Variants in NPEPL1 observed in about 807,000 individuals in gnomAD.
NPEPL1 encodes the protein aminopeptidase like 1, also known as probable aminopeptidase NPEPL1.
In NPEPL1, 45 loss-of-function variants were observed where a neutral mutation model predicts 52.4. That is an observed-to-expected ratio of 0.86 (90% CI 0.68 to 1.10). NPEPL1 has a LOEUF of 1.10. Ranked by LOEUF, NPEPL1 falls within the 50% of genes least tolerant of loss-of-function variation. The pLI, the probability that NPEPL1 is intolerant of heterozygous loss-of-function variation, is 0.00. For missense variants in NPEPL1, 696 were observed against 710.9 expected, an observed-to-expected ratio of 0.98 and a Z score of 0.24; for synonymous variants, 360 against 314.7, an observed-to-expected ratio of 1.14 and a Z score of -1.52.
At chr20:58,714,441 C>T (rs1038548393) in intron 10 of NPEPL1, 119 bp from the exon 11 acceptor site, 7 of 717,742 alleles carry the variant, frequency 9.8e-6, no homozygotes, top group Non-Finnish European at 1.3e-5. Context: ...CCTCCCCACA[C>T]GCTCCCTCCC....
chr20:58,714,665 C>T lies in NPEPL1; in HGVS notation c.1408C>T (p.His470Tyr), dbSNP rs777034809. 5 of 1,587,440 alleles carry T rather than the reference C, an allele frequency of 3.1e-6. No individual in the cohort carries two copies. In the South Asian group the frequency reaches 3.4e-5, roughly 11 times the overall value. The change falls in exon 11 of 12, where the codon CAT becomes TAT. Residue 470 changes from histidine (H) to tyrosine (Y), a missense_variant. Coordinates refer to ENST00000356091, the MANE Select transcript of NPEPL1 (RefSeq NM_024663.4). ...WVHLDIAAPVHAGERATGFGV... is the reference protein window; with the variant it reads ...WVHLDIAAPVYAGERATGFGV... ...CCACCTGGACATTGCTGCACCGGTG[C>T]ATGCTGTGAGTGTCTCCCCTCCCCA...
rs2084891571 is a variant in NPEPL1, at chr20:58,713,295, C to T, written c.1002-125C>T. 12 of 1,265,038 alleles carry T rather than the reference C, an allele frequency of 9.5e-6. No homozygotes were observed. Among genetic ancestry groups the T allele is most frequent in the South Asian group, 3.1e-5 (2 of 64,588 alleles). 78.4% of individuals were successfully genotyped at this position (1,265,038 alleles called of 1,614,324 possible). On this transcript the variant is annotated intron_variant, in intron 8 of 11. Coordinates refer to ENST00000356091, the MANE Select transcript of NPEPL1 (RefSeq NM_024663.4). This position sits in a 1 kb window ranked among gnomAD's most constrained non-coding sequence, Gnocchi z 4.6. ...CATCCCGGCCTTCCCATTCAGGGAA[C>T]GTGTTGGGGTTCGGGGAGCCACAGG...
intron 6 of NPEPL1, among the ~76,000 whole-genome samples, chr20:58,702,892 G>T (rs937012084): frequency 4.6e-5 from 7 of 152,238 alleles, no homozygotes; most frequent in African/African-American, 1.4e-4. Context: ...TGTGTGTTCA[G>T]TTCTTCAGGG....
chr20:58,695,542 C>T (rs754361199), intron 3 of NPEPL1, among the ~76,000 whole-genome samples: 5 of 152,188 alleles, frequency 3.3e-5, no homozygotes, highest in Non-Finnish European at 7.4e-5. Flanking sequence ...GAGCCCACAG[C>T]GCCACCCAGG....
chr20:58,714,274 C>T (rs2084913113), intron 10 of NPEPL1, 181 bp downstream of exon 10: 5 of 666,132 alleles, frequency 7.5e-6, no homozygotes, highest in Non-Finnish European at 1.2e-5. Flanking sequence ...GCGTGGGCCA[C>T]TCACTGGCTT....
chr20:58,702,629 A>G (rs1410609461), intron 6 of NPEPL1, among the ~76,000 whole-genome samples: 3 of 152,040 alleles, frequency 2.0e-5, no homozygotes, highest in Non-Finnish European at 4.4e-5. Flanking sequence ...GGGTCTTAGC[A>G]TCTACACGTT....
upstream of NPEPL1, chr20:58,692,468 T>C: frequency 6.6e-6 from 1 of 152,528 alleles, no homozygotes; most frequent in Non-Finnish European, 1.5e-5. The surrounding 1 kb of genome is among the most constrained non-coding windows in gnomAD (Gnocchi z 5.7). Context: ...GCCTGAGGCC[T>C]GACCGGGCGG....
Position 58,715,313 on chromosome 20 carries a change from G to A in NPEPL1, c.1559G>A (p.Arg520His), listed in dbSNP as rs369185988. 1.3e-4 allele frequency: 214 copies of A among 1,607,494 alleles called. No individual in the cohort carries two copies. Among genetic ancestry groups the A allele is most frequent in the Non-Finnish European group, 1.7e-4 (198 of 1,177,074 alleles). The stretch of plus-strand genomic sequence containing the variant: ...GACCTGGGGAGGGACTCCAAGAGAC[G>A]CAGGCTTGTGTGAGCCTCCTGCCTC... ...EGDLGRDSKR[R>H]RLV Residue 520 changes from arginine to histidine, a missense_variant, in exon 12 of 12, where the codon CGC becomes CAC. Arg to His is a conservative substitution (Grantham distance 29). Transcript: ENST00000356091.
In NPEPL1 at chr20:58,713,391, C is replaced by G. The variant is rs755358978; in HGVS notation, c.1002-29C>G. 4 of 1,569,656 alleles carry G rather than the reference C, an allele frequency of 2.5e-6. No homozygotes were observed. Among genetic ancestry groups the G allele is most frequent in the Non-Finnish European group, 3.5e-6 (4 of 1,153,726 alleles). Reference sequence around the variant, plus strand: ...TGCCAGTGTCCCAGGAAATCCCGTCCCTGAGCGGGGATCTCTACCATGCCC... The same window carrying G: ...TGCCAGTGTCCCAGGAAATCCCGTCGCTGAGCGGGGATCTCTACCATGCCC... On this transcript the variant is annotated intron_variant, in intron 8 of 11. Coordinates refer to ENST00000356091, the MANE Select transcript of NPEPL1 (RefSeq NM_024663.4). This position sits in a 1 kb window ranked among gnomAD's most constrained non-coding sequence, Gnocchi z 4.6.
upstream of NPEPL1, chr20:58,691,364 C>CTTTTTTTTTTTTT (rs59929508): frequency 2.3e-5 from 4 of 177,312 alleles, 1 homozygote; most frequent in South Asian, 4.1e-5. Flanking sequence ...CATTCAACAG[C>CTTTTTTTTTTTTT]TTTTTTTTTT....
At position 58,714,029 on chromosome 20, in the gene NPEPL1, A is replaced by G. The variant is rs2084907450; in HGVS notation, c.1238A>G (p.Tyr413Cys). 4 of 1,532,404 alleles carry G rather than the reference A, an allele frequency of 2.6e-6. No individual in the cohort carries two copies. The highest frequency in any genetic ancestry group is 2.8e-5 in the African/African-American group (2 of 71,716). 94.9% of individuals were successfully genotyped at this position (1,532,404 alleles called of 1,614,324 possible). A position where few individuals can be genotyped will look rare whatever the true frequency, so the allele number is the denominator to read the frequency against. Residue 413 changes from tyrosine to cysteine, a missense_variant, in exon 10 of 12, where the codon TAC (tyrosine) becomes TGC (cysteine). Physicochemically the swap from Tyr to Cys is radical, Grantham distance 194 (BLOSUM62 -2). Transcript: ENST00000356091. ...KCGDLVHPLV[Y>C]CPELHFSEFT... ...GGGGACCTGGTGCACCCGCTGGTCT[A>G]CTGCCCCGAGCTGCACTTCAGCGAG...
rs765700428 is a variant in NPEPL1, at chr20:58,694,569, C to T, written c.484C>T (p.Pro162Ser). The T allele has an allele frequency of 2.5e-6, 4 of 1,613,422 alleles. No individual in the cohort carries two copies. The highest frequency in any genetic ancestry group is 3.4e-6 in the Non-Finnish European group (4 of 1,179,620). ...EFFLVGQDNG[P>S]VEVSTLQCLA... The stretch of plus-strand genomic sequence containing the variant: ...TTTCCTGGTGGGACAAGACAACGGG[C>T]CGGTGGAGGTGTCCACATTGCAGGT... Residue 162 changes from proline (P) to serine (S), a missense_variant, in exon 3 of 12, where the codon CCG becomes TCG. Coordinates refer to ENST00000356091, the MANE Select transcript of NPEPL1 (RefSeq NM_024663.4).
chr20:58,693,693 C>T, intron 1 of NPEPL1, 44 bp from the exon 2 acceptor site: 5 of 1,546,760 alleles, frequency 3.2e-6, no homozygotes, highest in Non-Finnish European at 4.4e-6. Context: ...GGCACGTGGC[C>T]GCTGTTTGAA....
At position 58,715,515 on chromosome 20, in the gene NPEPL1, G is replaced by T; in HGVS notation, c.*189G>T. The T allele has an allele frequency of 5.2e-6, 3 of 574,124 alleles. No homozygotes were observed. The highest frequency in any genetic ancestry group is 8.9e-6 in the Non-Finnish European group (3 of 338,860). The allele number at this position is 574,124 out of a possible 1,614,324, so 35.6% of individuals were successfully genotyped here. ...GGTGCGGGCCACGGGGAGGGGACCG[G>T]GAAGCGCTGGGGCTTGTTTCTGTTT... On this transcript the variant is annotated 3_prime_UTR_variant, in exon 12 of 12. Transcript: ENST00000356091.
At chr20:58,694,030 C>A in intron 2 of NPEPL1, 108 bp downstream of exon 2, 2 of 1,093,972 alleles carry the variant, frequency 1.8e-6, no homozygotes, top group Non-Finnish European at 1.3e-6. Flanking sequence ...GCCCAGAGGG[C>A]TGTGGACGTT....
Position 58,698,678 on chromosome 20 carries a change from C to T in NPEPL1, c.508-6C>T. 1 of 1,611,860 alleles carries T rather than the reference C, an allele frequency of 6.2e-7. No individual in the cohort carries two copies. Among genetic ancestry groups the T allele is most frequent in the Non-Finnish European group, 8.5e-7 (1 of 1,179,488 alleles). On this transcript the variant is annotated splice_region_variant and splice_polypyrimidine_tract_variant and intron_variant, in intron 3 of 11. Coordinates refer to ENST00000356091, the MANE Select transcript of NPEPL1 (RefSeq NM_024663.4). ...TGGTCCCCAGTGATGGCCTTTTTCT[C>T]CCTAGTGCTTAGCGAATGCCACAGA...
upstream of NPEPL1, among the ~76,000 whole-genome samples, chr20:58,690,876 T>C (rs1205732379): frequency 6.6e-6 from 1 of 152,240 alleles, no homozygotes; most frequent in Non-Finnish European, 1.5e-5. Flanking sequence ...CTTTCTGAAA[T>C]GCTTCTTGGA....
At chr20:58,691,281 A>G, upstream of NPEPL1, 1 of 654,636 alleles carries the variant, frequency 1.5e-6, no homozygotes, top group African/African-American at 1.8e-5. Context: ...AAATCTTTTG[A>G]AGAAAATAAG....
intron 2 of NPEPL1, 53 bp downstream of exon 2, chr20:58,693,975 G>T: frequency 6.7e-7 from 1 of 1,491,706 alleles, no homozygotes; most frequent in Non-Finnish European, 9.0e-7. Context: ...GCAGCGGTGA[G>T]CTCGGGCCTG....
Sources: allele counts gnomAD v4.1 joint callset (sites outside exome capture counted in the v4.1 genomes callset), GRCh38; gene constraint gnomAD v4.1.1; non-coding constraint Gnocchi (gnomAD v3.1); transcripts MANE v1.5; gene names NCBI Gene and HGNC (gene_info 2026-07-23, HGNC 2026-07-21).